The following ARMH3 variants were observed in gnomAD, a reference collection of about 807,000 sequenced individuals.
ARMH3 encodes armadillo like helical domain containing 3.
Under a neutral mutation model 99.1 loss-of-function variants are expected in ARMH3, and 60 were observed. The observed-to-expected ratio is 0.61, with a 90% CI of 0.49 to 0.75. ARMH3 has a LOEUF of 0.75. Ranked by LOEUF, ARMH3 falls within the 30% of genes least tolerant of loss-of-function variation. The probability of loss-of-function intolerance (pLI) is 0.00; values close to 1 mark genes in which losing one functional copy is unlikely to be tolerated. For synonymous variants in ARMH3, 285 were observed against 292.8 expected (o/e 0.97, Z 0.27); for missense variants, 679 against 843.1 (o/e 0.81, Z 2.41).
intron 24 of ARMH3, among the ~76,000 whole-genome samples, chr10:101,882,515 A>T (rs148220316): frequency 1.3e-5 from 2 of 152,126 alleles, no homozygotes; most frequent in Non-Finnish European, 2.9e-5. Flanking sequence ...CCCACCCAAC[A>T]CTGAGATGGA....
At chr10:101,985,325 T>TAC (rs139916701) in intron 19 of ARMH3, among the ~76,000 whole-genome samples, 86 of 149,698 alleles carry the variant, frequency 5.7e-4, no homozygotes, top group Non-Finnish European at 7.1e-4. Context: ...CATATATATA[T>TAC]ACAGATCGCA....
chr10:102,054,984 G>A (rs1847904489), intron 1 of ARMH3, among the ~76,000 whole-genome samples: 1 of 146,318 alleles, frequency 6.8e-6, no homozygotes, highest in Non-Finnish European at 1.5e-5. Context: ...CAACGAGAGC[G>A]AAACTCCGTC....
chr10:101,875,436 G>C (rs1334587569), intron 24 of ARMH3, among the ~76,000 whole-genome samples: 5 of 152,204 alleles, frequency 3.3e-5, no homozygotes, highest in African/African-American at 1.2e-4. Flanking sequence ...AAATCTCTTA[G>C]ACTACAGATA....
At chr10:102,036,527 T>C (rs2067277596) in intron 2 of ARMH3, among the ~76,000 whole-genome samples, 1 of 152,300 alleles carries the variant, frequency 6.6e-6, no homozygotes, top group East Asian at 1.9e-4. Flanking sequence ...TGTTCTGTAC[T>C]GGGAGGGGTT....
chr10:102,022,573 G>C (rs1244782689), intron 8 of ARMH3, among the ~76,000 whole-genome samples: 1 of 146,050 alleles, frequency 6.8e-6, no homozygotes, highest in Non-Finnish European at 1.5e-5. Flanking sequence ...TCCAGGATAA[G>C]ATCCAGAATT....
intron 8 of ARMH3, among the ~76,000 whole-genome samples, chr10:102,018,630 T>C (rs1388725303): frequency 6.6e-6 from 1 of 152,184 alleles, no homozygotes; most frequent in Non-Finnish European, 1.5e-5. Flanking sequence ...TAAAGAAACC[T>C]ACTGTGCTGC....
chr10:101,932,306 A>C (rs1278684622), intron 23 of ARMH3, among the ~76,000 whole-genome samples: 2 of 152,236 alleles, frequency 1.3e-5, no homozygotes, highest in Non-Finnish European at 2.9e-5. Context: ...AGTGTTGGGA[A>C]GAATGTGAAG....
At chr10:102,053,624 C>T (rs893362842) in intron 1 of ARMH3, among the ~76,000 whole-genome samples, 15 of 152,100 alleles carry the variant, frequency 9.9e-5, no homozygotes, top group African/African-American at 2.2e-4. Context: ...CCCTGACTCT[C>T]CCAAGCAATG....
chr10:101,963,067 T>C (rs1845371608), intron 20 of ARMH3, among the ~76,000 whole-genome samples: 1 of 151,538 alleles, frequency 6.6e-6, no homozygotes, highest in African/African-American at 2.4e-5. Flanking sequence ...CCTCCCGGGT[T>C]CAAGAGATTC....
chr10:101,995,718 C>T (rs752226858), intron 15 of ARMH3, among the ~76,000 whole-genome samples: 82 of 152,190 alleles, frequency 5.4e-4, no homozygotes, highest in Non-Finnish European at 9.0e-4. Flanking sequence ...TCCACCCACC[C>T]TCTCATCTGC....
intron 20 of ARMH3, among the ~76,000 whole-genome samples, chr10:101,964,748 C>T (rs1845459595): frequency 1.3e-5 from 2 of 151,732 alleles, no homozygotes; most frequent in South Asian, 4.2e-4. Flanking sequence ...CGGTGGCTCA[C>T]ACCTGTAATC....
intron 24 of ARMH3, among the ~76,000 whole-genome samples, chr10:101,861,398 G>A (rs1338909729): frequency 3.3e-5 from 5 of 152,280 alleles, no homozygotes; most frequent in African/African-American, 1.2e-4. Flanking sequence ...AACAATCTGA[G>A]AGAATGTGTT....
chr10:101,911,601 T>C (rs1842869124), intron 23 of ARMH3, among the ~76,000 whole-genome samples: 1 of 152,160 alleles, frequency 6.6e-6, no homozygotes, highest in African/African-American at 2.4e-5. Flanking sequence ...CATGGTGGTA[T>C]GAACCTGTAG....
intron 24 of ARMH3, among the ~76,000 whole-genome samples, chr10:101,884,770 A>AAC (rs554417787): frequency 6.8e-6 from 1 of 146,406 alleles, no homozygotes; most frequent in Non-Finnish European, 1.5e-5. Context: ...CAACAACAAC[A>AAC]AAAACAAAAC....
chr10:102,055,108 G>A (rs2067808082), intron 1 of ARMH3, among the ~76,000 whole-genome samples: 1 of 151,512 alleles, frequency 6.6e-6, no homozygotes, highest in South Asian at 2.1e-4. Context: ...GATCACCTGA[G>A]GTTGGGAGTT....
chr10:101,881,119 T>C (rs1331062275), intron 24 of ARMH3, among the ~76,000 whole-genome samples: 3 of 152,238 alleles, frequency 2.0e-5, no homozygotes, highest in Non-Finnish European at 4.4e-5. Context: ...TTTGTCATAA[T>C]ACTTTTGAAG....
At chr10:101,879,625 T>C (rs560157751) in intron 24 of ARMH3, among the ~76,000 whole-genome samples, 30 of 152,320 alleles carry the variant, frequency 2.0e-4, no homozygotes, top group Non-Finnish European at 3.2e-4. Flanking sequence ...GTGCTGGGAC[T>C]ACAGGCATGA....
intron 25 of ARMH3, among the ~76,000 whole-genome samples, chr10:101,848,741 A>T (rs1018775830): frequency 1.3e-5 from 2 of 152,032 alleles, no homozygotes; most frequent in African/African-American, 4.8e-5. Context: ...GAGCCTCGAG[A>T]CACCGCTCCC....
chr10:101,904,435 T>TTA (rs1174915365), intron 23 of ARMH3, among the ~76,000 whole-genome samples: 16 of 152,098 alleles, frequency 1.1e-4, no homozygotes, highest in Non-Finnish European at 2.4e-4. Flanking sequence ...TTAAAATCCC[T>TTA]TATAATTCAG....
Sources: gnomAD v4.1 joint callset for allele counts (sites outside exome capture counted in the v4.1 genomes callset) on GRCh38, gnomAD v4.1.1 for gene constraint, MANE v1.5 for transcripts, NCBI Gene and HGNC (gene_info 2026-07-23, HGNC 2026-07-21) for gene names.